The following BTRC variants were observed in gnomAD, a reference collection of about 807,000 sequenced individuals.
The protein encoded by BTRC is F-box/WD repeat-containing protein 1A.
Under a neutral mutation model 85.5 loss-of-function variants are expected in BTRC, and 42 were observed. The observed-to-expected ratio is 0.49, with a 90% CI of 0.38 to 0.64. The LOEUF (loss-of-function observed/expected upper bound fraction) is 0.64. Among genes scored for constraint, BTRC ranks in the 30% least tolerant of loss-of-function variants. The pLI is 0.00. For synonymous variants in BTRC, 255 were observed against 263.3 expected, an observed-to-expected ratio of 0.97 and a Z score of 0.30; for missense variants, 594 against 743.5, an observed-to-expected ratio of 0.80 and a Z score of 2.34.
intron 1 of BTRC, among the ~76,000 whole-genome samples, chr10:101,369,862 T>G (rs948190180): frequency 2.0e-5 from 3 of 152,208 alleles, no homozygotes; most frequent in African/African-American, 4.8e-5. Context: ...CCTCAAAATA[T>G]TTTCTTAGTC....
chr10:101,532,204 A>T, intron 7 of BTRC, 91 bp from the exon 8 acceptor site: 1 of 1,370,698 alleles, frequency 7.3e-7, no homozygotes, highest in Non-Finnish European at 9.9e-7. Flanking sequence ...CATAGAGTAA[A>T]GCATTGAGCC....
chr10:101,368,567 ACTC>A (rs1431310655), intron 1 of BTRC, among the ~76,000 whole-genome samples: 1 of 138,864 alleles, frequency 7.2e-6, no homozygotes, highest in African/African-American at 2.8e-5. Context: ...GCACCCTTGA[ACTC>A]CTGGGTTCAA....
chr10:101,551,410 A>G (rs1381106190), intron 14 of BTRC, among the ~76,000 whole-genome samples: 1 of 151,960 alleles, frequency 6.6e-6, no homozygotes, highest in African/African-American at 2.4e-5. Context: ...CTATTCCTCA[A>G]CCCTCCAAAA....
intron 13 of BTRC, among the ~76,000 whole-genome samples, chr10:101,544,943 T>C (rs898409474): frequency 4.0e-5 from 6 of 151,728 alleles, no homozygotes; most frequent in African/African-American, 1.5e-4. Context: ...TGCAACAACT[T>C]TTGGGTGGCT....
chr10:101,493,739 T>A (rs778011974), intron 4 of BTRC, among the ~76,000 whole-genome samples: 6 of 152,360 alleles, frequency 3.9e-5, no homozygotes, highest in Non-Finnish European at 8.8e-5. Context: ...CCATATGAGA[T>A]GATAAAAATT....
intron 2 of BTRC, among the ~76,000 whole-genome samples, chr10:101,460,937 C>T (rs1488710058): frequency 6.6e-6 from 1 of 152,126 alleles, no homozygotes; most frequent in Non-Finnish European, 1.5e-5. Context: ...GAACCTTGCT[C>T]TGTCACTCAG....
rs768990158 is a variant in BTRC, at chr10:101,479,473, C to T, written c.324+16C>T. 6.3e-7 allele frequency: 1 copy of T among 1,586,560 alleles called. No individual in the cohort carries two copies. Among genetic ancestry groups the T allele is most frequent in the Admixed American group, 1.7e-5 (1 of 59,942 alleles). Reference sequence around the variant, plus strand: ...TGTGGCCAAAGTAAGTAATATTGCTCATCAATGTATATTACACCACACCAT... The same window carrying T: ...TGTGGCCAAAGTAAGTAATATTGCTTATCAATGTATATTACACCACACCAT... On this transcript the variant is annotated intron_variant, in intron 4 of 14. Transcript: ENST00000370187.
At chr10:101,478,789 AAAAAAAAGAAAAG>A (rs1169457896) in intron 3 of BTRC, among the ~76,000 whole-genome samples, 1 of 151,372 alleles carries the variant, frequency 6.6e-6, no homozygotes, top group African/African-American at 2.4e-5. Flanking sequence ...CTCAAAAAAA[AAAAAAAAGAAAAG>A]AAAAAAAGAG....
chr10:101,448,572 G>A (rs902018356), intron 2 of BTRC, among the ~76,000 whole-genome samples: 10 of 152,002 alleles, frequency 6.6e-5, no homozygotes, highest in Admixed American at 3.3e-4. Context: ...CTACCTTAGG[G>A]TCTGGCTACT....
At chr10:101,438,422 CAAAAAAAAAAAAA>C (rs34955428) in intron 2 of BTRC, among the ~76,000 whole-genome samples, 3 of 57,762 alleles carry the variant, frequency 5.2e-5, no homozygotes, top group African/African-American at 7.7e-5. Flanking sequence ...GAGACTGCCT[CAAAAAAAAAAAAA>C]AAAAAAAAAA....
chr10:101,527,795 T>C (rs71471210), intron 6 of BTRC, among the ~76,000 whole-genome samples: 21,261 of 144,330 alleles, frequency 0.15, 1,861 homozygotes, highest in Middle Eastern at 0.26. Flanking sequence ...CTCTCTCACA[T>C]ACACACACAC....
chr10:101,538,294 AAAATT>A lies in BTRC; in HGVS notation c.1583_1587del (p.Ile528SerfsTer35). 6.2e-7 allele frequency: 1 copy of A among 1,613,850 alleles called. No homozygotes were observed. Among genetic ancestry groups the A allele is most frequent in the Non-Finnish European group, 8.5e-7 (1 of 1,179,746 alleles). On this transcript the variant is annotated frameshift_variant and splice_region_variant, in exon 13 of 15. Coordinates refer to ENST00000370187, the MANE Select transcript of BTRC (RefSeq NM_033637.4). LOFTEE classifies it high-confidence loss of function. ...TTTTGTCCCCTTTTTGATCTTTAGA[AAAATT>A]AAAGTGTGGGATCTTGTGGCTGCTT... is the stretch of plus-strand genomic sequence containing the variant.
chr10:101,405,978 C>T (rs1342333871), intron 1 of BTRC, among the ~76,000 whole-genome samples: 2 of 152,080 alleles, frequency 1.3e-5, no homozygotes, highest in Non-Finnish European at 2.9e-5. Flanking sequence ...CTGTGCTTGT[C>T]ACTTCTTTGT....
intron 4 of BTRC, among the ~76,000 whole-genome samples, chr10:101,502,459 T>A (rs1366861192): frequency 6.6e-6 from 1 of 152,198 alleles, no homozygotes; most frequent in Admixed American, 6.5e-5. Flanking sequence ...GGCTTCCTTT[T>A]GCTCTTTTCT....
In BTRC at chr10:101,536,670, A is replaced by C. The variant is rs768806258; in HGVS notation, c.1577+17A>C. ...CTATGATGGGTGAGTGTGCTAACAG[A>C]GTGTAAAAAAGAGAAAATCTACGTC... On this transcript the variant is annotated intron_variant, in intron 12 of 14. Coordinates refer to ENST00000370187, the MANE Select transcript of BTRC (RefSeq NM_033637.4). The C allele has an allele frequency of 3.9e-6, 6 of 1,556,332 alleles. No individual in the cohort carries two copies. In the East Asian group the frequency reaches 9.0e-5, roughly 23 times the overall value.
intron 4 of BTRC, among the ~76,000 whole-genome samples, chr10:101,519,520 C>G (rs947101178): frequency 3.9e-5 from 6 of 152,240 alleles, no homozygotes; most frequent in African/African-American, 1.4e-4. Flanking sequence ...GTCCCCCTTC[C>G]TCTTCTGTAA....
rs2062322300 is a variant in BTRC, at chr10:101,532,954, C to G, written c.981C>G (p.Ile327Met). 6.2e-7 allele frequency: 1 copy of G among 1,607,536 alleles called. No homozygotes were observed. The highest frequency in any genetic ancestry group is 1.3e-5 in the African/African-American group (1 of 74,590). Reference sequence around the variant, plus strand: ...AAGGATCTTATTTGCCATCCTAGATCTGGGATAAAAACACATTGGAATGCA... The same window carrying G: ...AAGGATCTTATTTGCCATCCTAGATGTGGGATAAAAACACATTGGAATGCA... ...VSGLRDNTIK[I>M]WDKNTLECKR... Residue 327 changes from isoleucine to methionine, a missense_variant and splice_region_variant, in exon 9 of 15, where the codon ATC becomes ATG. Ile to Met is a conservative substitution (Grantham distance 10). Coordinates refer to ENST00000370187, the MANE Select transcript of BTRC (RefSeq NM_033637.4).
chr10:101,490,127 CAT>C (rs1351176393), intron 4 of BTRC, among the ~76,000 whole-genome samples: 1 of 151,876 alleles, frequency 6.6e-6, no homozygotes, highest in Non-Finnish European at 1.5e-5. Flanking sequence ...GGTGTGTTTC[CAT>C]ATAAAGATCG....
intron 5 of BTRC, among the ~76,000 whole-genome samples, chr10:101,524,270 A>G (rs1207737270): frequency 6.6e-6 from 1 of 152,154 alleles, no homozygotes; most frequent in African/African-American, 2.4e-5. Context: ...CCATAGGCAA[A>G]TAGTTTTCTT....
Sources: gnomAD v4.1 joint callset for allele counts (sites outside exome capture counted in the v4.1 genomes callset) on GRCh38, gnomAD v4.1.1 for gene constraint, MANE v1.5 for transcripts, NCBI Gene and HGNC (gene_info 2026-07-23, HGNC 2026-07-21) for gene names.